Variants in BTBD8 observed in about 807,000 individuals in gnomAD.
BTBD8 encodes the protein BTB domain containing 8, also known as BTB/POZ domain-containing protein 8.
BTBD8 carries 110 observed loss-of-function variants against 162.9 expected under a neutral mutation model. The observed-to-expected ratio is 0.68, with a 90% confidence interval of 0.58 to 0.79. The LOEUF (loss-of-function observed/expected upper bound fraction) is 0.79. BTBD8 is among the 30% of genes least tolerant of loss of function. The pLI is 0.00. For synonymous variants in BTBD8, 667 were observed against 716.1 expected, an observed-to-expected ratio of 0.93 and a Z score of 1.10; for missense variants, 1,905 against 2,085.4, an observed-to-expected ratio of 0.91 and a Z score of 1.68.
intron 9 of BTBD8, among the ~76,000 whole-genome samples, chr1:92,150,051 C>A (rs1241885271): frequency 1.3e-5 from 2 of 152,180 alleles, no homozygotes; most frequent in Non-Finnish European, 2.9e-5. Flanking sequence ...AGGTCAACTC[C>A]CTGTAACAAA....
chr1:92,164,367 C>T (rs1650335865), intron 9 of BTBD8, among the ~76,000 whole-genome samples: 1 of 152,068 alleles, frequency 6.6e-6, no homozygotes, highest in Non-Finnish European at 1.5e-5. Flanking sequence ...CCTGTAATCC[C>T]AGCATTTTGG....
At position 92,130,539 on chromosome 1, in the gene BTBD8, TACAC is replaced by T. The variant is rs59796834; in HGVS notation, c.752+789_752+792del. Among the ~76,000 whole-genome samples the T allele has an allele frequency of 2.8e-3, 368 of 131,176 alleles. 1 individual carries two copies. Among genetic ancestry groups the T allele is most frequent in the African/African-American group, 7.4e-3 (271 of 36,798 alleles). 86.1% of individuals were successfully genotyped at this position (131,176 alleles called of 152,430 possible). A position where few individuals can be genotyped will look rare whatever the true frequency, so the allele number is the denominator to read the frequency against. On this transcript the variant is annotated intron_variant, in intron 5 of 17. Transcript: ENST00000636805. ...AAAAAAATATATATATATATATATTTACACACACACACACACACACACACACACA... is the reference window on the plus strand; with the variant it reads ...AAAAAAATATATATATATATATATTTACACACACACACACACACACACACA...
intron 16 of BTBD8, 53 bp downstream of exon 16, chr1:92,178,504 GA>G (rs1650789518): frequency 1.4e-6 from 2 of 1,424,760 alleles, no homozygotes; most frequent in East Asian, 5.2e-5. Context: ...GTGTAAACTG[GA>G]TAAGCCAAAC....
intron 6 of BTBD8, 49 bp downstream of exon 6, chr1:92,139,479 CT>C: frequency 6.3e-7 from 1 of 1,575,080 alleles, no homozygotes; most frequent in Middle Eastern, 2.2e-4. Context: ...TTAGGTTCTG[CT>C]TTGTTGAGCT....
chr1:92,114,048 C>A (rs1648974134), intron 4 of BTBD8, among the ~76,000 whole-genome samples: 1 of 149,998 alleles, frequency 6.7e-6, no homozygotes, highest in Admixed American at 6.6e-5. Flanking sequence ...GGGGTATATT[C>A]TCATGACTGC....
rs1244932822 is a variant in BTBD8 at position 92,181,276 on chromosome 1, C to A, written c.3593C>A (p.Ser1198Tyr). The A allele has an allele frequency of 1.9e-6, 3 of 1,551,540 alleles. No individual in the cohort carries two copies. The highest frequency in any genetic ancestry group is 3.9e-5 in the Admixed American group (2 of 50,960). ...DKHATADSDV[S>Y]SKCFSGQLSE... ...CATGCTACAGCAGACTCAGATGTAT[C>A]TTCCAAGTGTTTTTCGGGACAGCTA... Residue 1198 changes from serine (S) to tyrosine (Y), a missense_variant, in exon 17 of 18, where the codon TCT becomes TAT. Around this residue, in one of 3 missense-constraint regions of BTBD8, gnomAD observed 1,374 missense variants for 1,442.7 expected, o/e 0.95. Transcript: ENST00000636805.
intron 2 of BTBD8, among the ~76,000 whole-genome samples, chr1:92,095,423 C>T (rs1387168523): frequency 6.6e-6 from 1 of 152,120 alleles, no homozygotes; most frequent in African/African-American, 2.4e-5. Context: ...GCATGGTGTG[C>T]CCCCTCCTCT....
chr1:92,149,361 C>G (rs889364720), intron 9 of BTBD8, among the ~76,000 whole-genome samples: 1 of 152,156 alleles, frequency 6.6e-6, no homozygotes, highest in African/African-American at 2.4e-5. Flanking sequence ...AAAAGGAACT[C>G]ATATCCCCTC....
intron 4 of BTBD8, among the ~76,000 whole-genome samples, chr1:92,114,534 C>A (rs1244735972): frequency 2.0e-5 from 3 of 151,936 alleles, no homozygotes; most frequent in African/African-American, 7.3e-5. Context: ...TTTATCTGTT[C>A]AAATAGGCTC....
intron 5 of BTBD8, among the ~76,000 whole-genome samples, chr1:92,139,098 A>G (rs1244367184): frequency 6.6e-6 from 1 of 152,228 alleles, no homozygotes; most frequent in Non-Finnish European, 1.5e-5. Flanking sequence ...TTAAAAGTGT[A>G]TGGTAGAAGA....
chr1:92,155,536 C>A (rs1217315768), intron 9 of BTBD8, among the ~76,000 whole-genome samples: 3 of 152,106 alleles, frequency 2.0e-5, no homozygotes, highest in Admixed American at 2.0e-4. Context: ...AACTCCTGGT[C>A]TCAAGTGATC....
At chr1:92,107,733 T>C in intron 3 of BTBD8, 151 bp from the exon 4 acceptor site, 1 of 633,608 alleles carries the variant, frequency 1.6e-6, no homozygotes, top group Non-Finnish European at 2.7e-6. Flanking sequence ...GTCTAGATGA[T>C]TTAAACTTTT....
At chr1:92,115,271 C>G in intron 4 of BTBD8, 1 of 471,522 alleles carries the variant, frequency 2.1e-6, no homozygotes, top group Non-Finnish European at 4.1e-6. Context: ...GCAGTGATGG[C>G]ATGGACTGTG....
chr1:92,148,750 A>G (rs1297815293), intron 9 of BTBD8, among the ~76,000 whole-genome samples: 1 of 152,210 alleles, frequency 6.6e-6, no homozygotes, highest in Non-Finnish European at 1.5e-5. Flanking sequence ...GAATGTTTCC[A>G]TGTGGGGACA....
chr1:92,139,145 C>T (rs1334941950), intron 5 of BTBD8, among the ~76,000 whole-genome samples: 1 of 152,102 alleles, frequency 6.6e-6, no homozygotes, highest in Non-Finnish European at 1.5e-5. Flanking sequence ...ATACTAATAA[C>T]CTTGTATAAC....
intron 4 of BTBD8, among the ~76,000 whole-genome samples, chr1:92,129,425 G>A (rs1158286861): frequency 6.6e-6 from 1 of 151,912 alleles, no homozygotes; most frequent in East Asian, 1.9e-4. Context: ...GTTCAGGGCT[G>A]TAGTAAGCTA....
chr1:92,110,142 G>A (rs966703627), intron 4 of BTBD8, among the ~76,000 whole-genome samples: 4 of 152,138 alleles, frequency 2.6e-5, no homozygotes, highest in Admixed American at 1.3e-4. Flanking sequence ...ATGATCCTCA[G>A]CCCAATCCCC....
rs1328519189 is a variant in BTBD8 at position 92,177,225 on chromosome 1, G to A, written c.2032G>A (p.Gly678Arg). 1 of 1,551,904 alleles carries A rather than the reference G, an allele frequency of 6.4e-7. No homozygotes were observed. The highest frequency in any genetic ancestry group is 8.7e-7 in the Non-Finnish European group (1 of 1,147,068). The change falls in exon 14 of 18, where the codon GGA becomes AGA. Residue 678 changes from glycine to arginine, a missense_variant. By Grantham distance (125) the Gly-to-Arg change is moderately radical (BLOSUM62 -2). This residue lies in a region of BTBD8 where 1,374 missense variants were observed against 1,442.7 expected (regional missense o/e 0.95). Coordinates refer to ENST00000636805, the MANE Select transcript of BTBD8 (RefSeq NM_001376131.1). ...AATGQKNLLN[G>R]KGVRNQEGQI... ...AACTGGACAGAAGAATTTACTAAAT[G>A]GAAAAGGAGTGAGAAATCAGGAAGG...
chr1:92,157,839 A>C (rs1193335505), intron 9 of BTBD8, among the ~76,000 whole-genome samples: 1 of 152,168 alleles, frequency 6.6e-6, no homozygotes, highest in Non-Finnish European at 1.5e-5. Flanking sequence ...TTGTGTATTG[A>C]AAGTTCCTAC....
Sources: allele counts gnomAD v4.1 joint callset (sites outside exome capture counted in the v4.1 genomes callset), GRCh38; gene constraint gnomAD v4.1.1; regional missense constraint gnomAD v4.1.1; transcripts MANE v1.5; gene names NCBI Gene and HGNC (gene_info 2026-07-23, HGNC 2026-07-21).